Variants in PEF1 observed in about 807,000 individuals in gnomAD.
PEF1 encodes the protein peflin.
In PEF1, 17 loss-of-function variants were observed where a neutral mutation model predicts 32.0. The observed-to-expected ratio is 0.53, with a 90% confidence interval of 0.36 to 0.80. The LOEUF (loss-of-function observed/expected upper bound fraction) is 0.80, where lower values mean the gene tolerates loss of function less well. Ranked by LOEUF, PEF1 falls within the 30% of genes least tolerant of loss-of-function variation. The pLI, the probability that PEF1 is intolerant of heterozygous loss-of-function variation, is 0.00. For missense variants in PEF1, 362 were observed against 369.1 expected, an observed-to-expected ratio of 0.98 and a Z score of 0.16; for synonymous variants, 130 against 139.8, an observed-to-expected ratio of 0.93 and a Z score of 0.50.
At chr1:31,639,384 CA>C (rs1161414496) in intron 1 of PEF1, among the ~76,000 whole-genome samples, 1 of 152,222 alleles carries the variant, frequency 6.6e-6, no homozygotes, top group East Asian at 1.9e-4. Flanking sequence ...GTAAGCTCCC[CA>C]GGGGCAGACA....
intron 1 of PEF1, chr1:31,644,573 C>T (rs1570290062): frequency 7.1e-7 from 1 of 1,412,088 alleles, no homozygotes; most frequent in African/African-American, 1.4e-5. Flanking sequence ...AGGCCAGCGC[C>T]AGCCTGGACC....
At chr1:31,644,785 C>T in intron 1 of PEF1, 56 bp downstream of exon 1, 4 of 1,612,632 alleles carry the variant, frequency 2.5e-6, no homozygotes, top group Non-Finnish European at 3.4e-6. Flanking sequence ...AGGGGGACGT[C>T]GGGCCTGCGC....
chr1:31,644,765 G>A, intron 1 of PEF1, 76 bp downstream of exon 1: 2 of 1,610,346 alleles, frequency 1.2e-6, no homozygotes, highest in South Asian at 2.2e-5. Flanking sequence ...AGAAAGCGGG[G>A]AGAAAGAGCA....
At chr1:31,635,012 G>C in intron 2 of PEF1, 2 of 743,146 alleles carry the variant, frequency 2.7e-6, no homozygotes, top group East Asian at 2.7e-5. Context: ...GTAAGCAAAA[G>C]AAAGTAAGCA....
At chr1:31,644,518 C>T (rs1157367227) in intron 1 of PEF1, 2 of 1,329,666 alleles carry the variant, frequency 1.5e-6, no homozygotes, top group Non-Finnish European at 1.9e-6. Context: ...TGGCTGATGC[C>T]CCCGCCCAAG....
chr1:31,638,157 T>C (rs1169301989), intron 1 of PEF1, among the ~76,000 whole-genome samples: 1 of 151,834 alleles, frequency 6.6e-6, no homozygotes, highest in Non-Finnish European at 1.5e-5. Flanking sequence ...TCCATGAGAG[T>C]GGCATTTGAG....
At chr1:31,638,701 T>C (rs1293084837) in intron 1 of PEF1, among the ~76,000 whole-genome samples, 4 of 152,244 alleles carry the variant, frequency 2.6e-5, no homozygotes, top group South Asian at 4.1e-4. Flanking sequence ...ACCTCCTCTG[T>C]AGTTTACAAA....
rs1423257928 is a variant in PEF1 at position 31,630,327 on chromosome 1, C to T, written c.*286G>A. ...TGGACACTAACTCCATTACAAGGAC[C>T]TGCTCCTGGTGCCAGGCTGTGCCAC... On this transcript the variant is annotated 3_prime_UTR_variant, in exon 5 of 5. Transcript: ENST00000373703. 4.5e-6 allele frequency: 2 copies of T among 448,080 alleles called. No individual in the cohort carries two copies. The highest frequency in any genetic ancestry group is 8.3e-6 in the Non-Finnish European group (2 of 241,438). The allele number at this position is 448,080 out of a possible 1,614,324, so 27.8% of individuals were successfully genotyped here. A position where few individuals can be genotyped will look rare whatever the true frequency, so the allele number is the denominator to read the frequency against.
intron 1 of PEF1, 94 bp downstream of exon 1, chr1:31,644,747 G>A (rs981091632): frequency 2.4e-5 from 38 of 1,603,380 alleles, no homozygotes; most frequent in Non-Finnish European, 2.1e-5. Context: ...ATCGTGGGAA[G>A]GGCGCGGAGA....
chr1:31,630,571 G>C lies in PEF1; in HGVS notation c.*42C>G. Reference sequence around the variant, plus strand: ...ATACTTCTCTCACTCTAAGAAGCCAGGAAAGGTCCCTGGTGCACTCCACTC... The same window carrying C: ...ATACTTCTCTCACTCTAAGAAGCCACGAAAGGTCCCTGGTGCACTCCACTC... On this transcript the variant is annotated 3_prime_UTR_variant, in exon 5 of 5. Coordinates refer to ENST00000373703, the MANE Select transcript of PEF1 (RefSeq NM_012392.4). The C allele has an allele frequency of 2.5e-6, 4 of 1,576,398 alleles. No homozygotes were observed. The highest frequency in any genetic ancestry group is 2.6e-6 in the Non-Finnish European group (3 of 1,149,228).
At chr1:31,639,747 T>C (rs555665713) in intron 1 of PEF1, among the ~76,000 whole-genome samples, 1 of 152,192 alleles carries the variant, frequency 6.6e-6, no homozygotes, top group Non-Finnish European at 1.5e-5. Flanking sequence ...CTAATTAGAT[T>C]AGGAAAGAGA....
Position 31,635,403 on chromosome 1 carries a change from AC to A in PEF1, c.143del (p.Gly48ValfsTer89). 6.2e-7 allele frequency: 1 copy of A among 1,612,748 alleles called. No individual in the cohort carries two copies. Among genetic ancestry groups the A allele is most frequent in the Non-Finnish European group, 8.5e-7 (1 of 1,179,468 alleles). On this transcript the variant is annotated frameshift_variant, in exon 2 of 5. Coordinates refer to ENST00000373703, the MANE Select transcript of PEF1 (RefSeq NM_012392.4). LOFTEE classifies it high-confidence loss of function. ...GTCCATAAGGCCCTCCAGGGGCAGG[AC>A]CCCCATAACCACCACCAGGGGGTAG... ...SGLPPGGGYG[G>X]PAPGGPYGPP...
chr1:31,632,896 G>A (rs1278209905), intron 3 of PEF1, among the ~76,000 whole-genome samples: 1 of 152,188 alleles, frequency 6.6e-6, no homozygotes, highest in Non-Finnish European at 1.5e-5. Context: ...CCTCCCTGCT[G>A]TTTCCTACAG....
In PEF1 at chr1:31,635,286, C is replaced by A; in HGVS notation, c.261G>T (p.Gly87=). 6.2e-7 allele frequency: 1 copy of A among 1,614,140 alleles called. No homozygotes were observed. The highest frequency in any genetic ancestry group is 8.5e-7 in the Non-Finnish European group (1 of 1,180,004). ...PGGPYGGAAP[G]GPYGQPPPSS... The stretch of plus-strand genomic sequence containing the variant: ...TTGGAGGTGGCTGACCATAGGGGCC[C>A]CCGGGAGCTGCACCGCCATATGGTC... The change falls in exon 2 of 5, where the codon GGG becomes GGT. Residue 87 remains glycine, a synonymous_variant. Transcript: ENST00000373703.
At chr1:31,633,985 A>C (rs1173612207) in intron 2 of PEF1, among the ~76,000 whole-genome samples, 2 of 152,242 alleles carry the variant, frequency 1.3e-5, no homozygotes, top group Non-Finnish European at 2.9e-5. Flanking sequence ...AACCCAAAAA[A>C]AACAGTGTAG....
intron 1 of PEF1, 169 bp downstream of exon 1, chr1:31,644,672 A>G: frequency 6.8e-7 from 1 of 1,469,342 alleles, no homozygotes; most frequent in Non-Finnish European, 9.0e-7. Context: ...TCATGACGTG[A>G]GCAGGGCGCG....
chr1:31,644,719 C>T (rs1283312959), intron 1 of PEF1, 122 bp downstream of exon 1: 3 of 1,565,010 alleles, frequency 1.9e-6, no homozygotes, highest in African/African-American at 2.7e-5. Context: ...CAGCGCAAGG[C>T]CTCGCTGAAG....
At chr1:31,644,691 T>C in intron 1 of PEF1, 150 bp downstream of exon 1, 1 of 1,500,390 alleles carries the variant, frequency 6.7e-7, no homozygotes, top group Non-Finnish European at 8.9e-7. Flanking sequence ...CGACCGACGG[T>C]CCCTTTTCGG....
chr1:31,637,782 T>G (rs568551617), intron 1 of PEF1, among the ~76,000 whole-genome samples: 61 of 152,238 alleles, frequency 4.0e-4, no homozygotes, highest in African/African-American at 1.4e-3. Flanking sequence ...ACCCCCTCCC[T>G]TGCTACATTC....
Sources: allele counts gnomAD v4.1 joint callset (sites outside exome capture counted in the v4.1 genomes callset), GRCh38; gene constraint gnomAD v4.1.1; transcripts MANE v1.5; gene names NCBI Gene and HGNC (gene_info 2026-07-23, HGNC 2026-07-21).